OTOP3: variants seen among roughly 807,000 people sequenced by gnomAD.
OTOP3 encodes the protein proton channel OTOP3.
Under a neutral mutation model 50.8 loss-of-function variants are expected in OTOP3, and 41 were observed. The observed-to-expected ratio is 0.81, with a 90% CI of 0.63 to 1.05. The LOEUF (loss-of-function observed/expected upper bound fraction) is 1.05, where lower values mean the gene tolerates loss of function less well. Ranked by LOEUF, OTOP3 falls within the 50% of genes least tolerant of loss-of-function variation. The probability of loss-of-function intolerance (pLI) is 0.00; values close to 1 mark genes in which losing one functional copy is unlikely to be tolerated. For missense variants in OTOP3, 788 were observed against 760.8 expected (o/e 1.04, Z -0.42); for synonymous variants, 320 against 324.4 (o/e 0.99, Z 0.14).
rs187024391 is a variant in OTOP3 at position 74,937,567 on chromosome 17, G to C, written c.19+1627G>C. ...AGCCCCAGCCTTGCTCAATTTGGGT[G>C]GGGGAGCTTAGGAGGGAAAGATAAA... On this transcript the variant is annotated intron_variant, in intron 1 of 6. Transcript: ENST00000328801. Among the ~76,000 whole-genome samples, 322 of 152,276 alleles carry C rather than the reference G, an allele frequency of 2.1e-3. 2 individuals are homozygous for C. The highest frequency in any genetic ancestry group is 7.5e-3 in the African/African-American group (310 of 41,546).
In OTOP3 at chr17:74,941,933, T is replaced by C. The variant is rs1272209389; in HGVS notation, c.469T>C (p.Cys157Arg). 6.2e-7 allele frequency: 1 copy of C among 1,612,260 alleles called. No individual in the cohort carries two copies. Among genetic ancestry groups the C allele is most frequent in the South Asian group, 1.1e-5 (1 of 90,946 alleles). Residue 157 changes from cysteine (C) to arginine (R), a missense_variant, in exon 3 of 7, where the codon TGC becomes CGC. Cys to Arg is a radical substitution (Grantham distance 180). Coordinates refer to ENST00000328801, the MANE Select transcript of OTOP3 (RefSeq NM_001272005.2). ...SLVLFGSCTF[C>R]LNIFRVGYDV... ...AGTGCTCTTCGGCAGCTGCACCTTC[T>C]GCCTCAACATCTTCCGAGTGGGCTA...
At chr17:74,936,317 G>T (rs1598599859) in intron 1 of OTOP3, among the ~76,000 whole-genome samples, 1 of 152,106 alleles carries the variant, frequency 6.6e-6, no homozygotes, top group Non-Finnish European at 1.5e-5. Context: ...CCCTAAAATG[G>T]CTCGGAAGGA....
At chr17:74,944,407 A>G (rs2039206798) in intron 5 of OTOP3, among the ~76,000 whole-genome samples, 1 of 152,222 alleles carries the variant, frequency 6.6e-6, no homozygotes, top group African/African-American at 2.4e-5. Context: ...CATTTCTCAG[A>G]AAAGCTGTGC....
chr17:74,949,173 GCTGCCTCCC>G, intron 6 of OTOP3, 64 bp from the exon 7 acceptor site: 6 of 1,522,054 alleles, frequency 3.9e-6, no homozygotes, highest in Non-Finnish European at 5.4e-6. Context: ...AGGTTTGGGG[GCTGCCTCCC>G]CTGAACTGAG....
intron 1 of OTOP3, among the ~76,000 whole-genome samples, chr17:74,938,522 A>T (rs1455441079): frequency 1.3e-5 from 2 of 152,072 alleles, no homozygotes; most frequent in Non-Finnish European, 2.9e-5. Context: ...AAAGGCAAAG[A>T]ATAGGGTGTG....
intron 6 of OTOP3, among the ~76,000 whole-genome samples, chr17:74,947,778 T>C (rs967760757): frequency 6.6e-6 from 1 of 152,268 alleles, no homozygotes; most frequent in Admixed American, 6.5e-5. Flanking sequence ...AGGAAGTACC[T>C]GATTTTCTAA....
At chr17:74,945,174 T>A (rs1024906656) in intron 5 of OTOP3, among the ~76,000 whole-genome samples, 2 of 152,194 alleles carry the variant, frequency 1.3e-5, no homozygotes, top group African/African-American at 2.4e-5. Flanking sequence ...CAGACTCATC[T>A]CAAACTACTG....
rs546464774 is a variant in OTOP3, at chr17:74,943,272, C to T, written c.574-14C>T. The T allele has an allele frequency of 1.2e-6, 2 of 1,614,130 alleles. No individual in the cohort carries two copies. Among genetic ancestry groups the T allele is most frequent in the African/African-American group, 2.7e-5 (2 of 75,032 alleles). ...CTCCACCAGCCCCTGGGCTCAAGGC[C>T]CTGTCTCTTTCAGACCTGGGTGCTC... On this transcript the variant is annotated splice_polypyrimidine_tract_variant and intron_variant, in intron 3 of 6. Coordinates refer to ENST00000328801, the MANE Select transcript of OTOP3 (RefSeq NM_001272005.2).
intron 1 of OTOP3, among the ~76,000 whole-genome samples, chr17:74,936,932 C>A (rs986936888): frequency 6.6e-6 from 1 of 150,646 alleles, no homozygotes; most frequent in Non-Finnish European, 1.5e-5. Flanking sequence ...CTGACAAAGC[C>A]CCTATTCGGC....
intron 1 of OTOP3, among the ~76,000 whole-genome samples, chr17:74,939,479 C>T (rs2039149730): frequency 6.6e-6 from 1 of 152,066 alleles, no homozygotes; most frequent in Admixed American, 6.6e-5. Context: ...CAGGAGAGCA[C>T]CCAGAAGCAG....
chr17:74,941,970 A>C lies in OTOP3; in HGVS notation c.506A>C (p.His169Pro), dbSNP rs1392470054. Residue 169 changes from histidine (H) to proline (P), a missense_variant, in exon 3 of 7, where the codon CAC (histidine) becomes CCC (proline). By Grantham distance (77) the His-to-Pro change is moderately conservative (BLOSUM62 -2). Coordinates refer to ENST00000328801, the MANE Select transcript of OTOP3 (RefSeq NM_001272005.2). ...TTCCGAGTGGGCTACGATGTGAGCCACATCCGCTGCAAGTCACAGCTGGAC... is the reference window on the plus strand; with the variant it reads ...TTCCGAGTGGGCTACGATGTGAGCCCCATCCGCTGCAAGTCACAGCTGGAC... ...NIFRVGYDVS[H>P]IRCKSQLDLV... 1 of 1,613,624 alleles carries C rather than the reference A, an allele frequency of 6.2e-7. No individual in the cohort carries two copies. The highest frequency in any genetic ancestry group is 2.2e-5 in the East Asian group (1 of 44,882).
chr17:74,940,612 G>C (rs984891349), intron 1 of OTOP3, among the ~76,000 whole-genome samples: 4 of 152,246 alleles, frequency 2.6e-5, no homozygotes, highest in South Asian at 4.2e-4. Flanking sequence ...AGGAGCACAA[G>C]CCCTATCGTG....
At position 74,946,857 on chromosome 17, in the gene OTOP3, G is replaced by C; in HGVS notation, c.948G>C (p.Leu316=). 1 of 1,610,676 alleles carries C rather than the reference G, an allele frequency of 6.2e-7. No individual in the cohort carries two copies. The highest frequency in any genetic ancestry group is 8.5e-7 in the Non-Finnish European group (1 of 1,180,014). The change falls in exon 6 of 7, where the codon CTG becomes CTC. Residue 316 remains leucine, a synonymous_variant. Transcript: ENST00000328801. ...ACCCTGCCACCGCACCCTTCCACCT[G>C]CACGGGGCCATCTTCGGGCCGCTGC... ...GAHPATAPFH[L]HGAIFGPLLG... is the part of the protein sequence containing the mutation.
chr17:74,940,154 G>T (rs1343598952), intron 1 of OTOP3, among the ~76,000 whole-genome samples: 2 of 144,584 alleles, frequency 1.4e-5, no homozygotes, highest in Admixed American at 7.0e-5. Context: ...CATATATGGG[G>T]TTTTTTTCGG....
chr17:74,947,568 T>C, intron 6 of OTOP3, 93 bp downstream of exon 6: 1 of 1,215,156 alleles, frequency 8.2e-7, no homozygotes, highest in Non-Finnish European at 1.1e-6. Context: ...GGACACATCT[T>C]TTTCCAACTA....
At chr17:74,942,139 C>A (rs542750029) in intron 3 of OTOP3, 102 bp downstream of exon 3, 35 of 1,406,794 alleles carry the variant, frequency 2.5e-5, no homozygotes, top group Non-Finnish European at 3.2e-5. Context: ...GCCACACAGG[C>A]AAATACCTAA....
Position 74,947,136 on chromosome 17 carries a change from G to A in OTOP3, c.1227G>A (p.Met409Ile). 6.2e-7 allele frequency: 1 copy of A among 1,614,104 alleles called. No homozygotes were observed. Among genetic ancestry groups the A allele is most frequent in the Non-Finnish European group, 8.5e-7 (1 of 1,180,040 alleles). ...VLLMGAALGQ[M>I]GIAYFSIVAI... ...TAATGGGTGCTGCACTGGGCCAGAT[G>A]GGCATCGCCTATTTCTCCATCGTGG... Residue 409 changes from methionine to isoleucine, a missense_variant, in exon 6 of 7, where the codon ATG becomes ATA. By Grantham distance (10) the Met-to-Ile change is conservative. Coordinates refer to ENST00000328801, the MANE Select transcript of OTOP3 (RefSeq NM_001272005.2).
intron 5 of OTOP3, among the ~76,000 whole-genome samples, chr17:74,946,444 T>G (rs1436762912): frequency 6.6e-6 from 1 of 152,262 alleles, no homozygotes; most frequent in Non-Finnish European, 1.5e-5. Flanking sequence ...TACGTAAGTT[T>G]GGCATCTGAA....
At position 74,941,916 on chromosome 17, in the gene OTOP3, TC is replaced by T. The variant is rs1293865294; in HGVS notation, c.453del (p.Phe151LeufsTer17). 6.2e-7 allele frequency: 1 copy of T among 1,609,404 alleles called. No homozygotes were observed. The highest frequency in any genetic ancestry group is 8.5e-7 in the Non-Finnish European group (1 of 1,177,104). On this transcript the variant is annotated frameshift_variant, in exon 3 of 7. Transcript: ENST00000328801. LOFTEE classifies it high-confidence loss of function. ...GTCCGGCCAGGTTCCCTAGTGCTCT[TC>T]GGCAGCTGCACCTTCTGCCTCAACA... ...PLWVRGSLVLFGSCTFCLNIF... is the reference protein window; with the variant it reads ...PLWVRGSLVLXGSCTFCLNIF...
Sources: allele counts gnomAD v4.1 joint callset (sites outside exome capture counted in the v4.1 genomes callset), GRCh38; gene constraint gnomAD v4.1.1; transcripts MANE v1.5; gene names NCBI Gene and HGNC (gene_info 2026-07-23, HGNC 2026-07-21).